The following IFT25 variants were observed in gnomAD, a reference collection of about 807,000 sequenced individuals.
IFT25 encodes intraflagellar transport protein 25 homolog.
chr1:53,916,045 T>C, the IFT25 span, among the ~76,000 whole-genome samples: 35,946 of 151,412 alleles, frequency 0.24, 6,788 homozygotes, highest in African/African-American at 0.53. Context: ...ATTAGCCAGG[T>C]GTGGTGGCAT....
chr1:53,936,962 CT>C, the IFT25 span, among the ~76,000 whole-genome samples: 1 of 152,038 alleles, frequency 6.6e-6, no homozygotes, highest in Non-Finnish European at 1.5e-5. Context: ...CTATGCCCAG[CT>C]ATTTATTTAA....
chr1:53,918,772 C>T, the IFT25 span, among the ~76,000 whole-genome samples: 1 of 152,166 alleles, frequency 6.6e-6, no homozygotes, highest in Non-Finnish European at 1.5e-5. Context: ...CATAAAATCA[C>T]ATCAGGAAGC....
chr1:53,933,220 C>T, the IFT25 span, among the ~76,000 whole-genome samples: 1,340 of 151,490 alleles, frequency 8.8e-3, 23 homozygotes, highest in African/African-American at 0.03. Context: ...CTGCAAGCTC[C>T]GCCTCCCGGG....
At chr1:53,926,965 T>A in the IFT25 span, among the ~76,000 whole-genome samples, 11 of 152,236 alleles carry the variant, frequency 7.2e-5, no homozygotes, top group Admixed American at 7.2e-4. Flanking sequence ...ACTCATGCAA[T>A]CCTCCTCCCT....
chr1:53,936,568 T>G, the IFT25 span, among the ~76,000 whole-genome samples: 1 of 152,236 alleles, frequency 6.6e-6, no homozygotes. Context: ...ATGGATTATC[T>G]CATGTGATTT....
chr1:53,931,664 T>C, the IFT25 span, among the ~76,000 whole-genome samples: 3 of 152,234 alleles, frequency 2.0e-5, no homozygotes, highest in Non-Finnish European at 4.4e-5. Flanking sequence ...TTAAATTTGT[T>C]CTTTATATAT....
At chr1:53,925,471 T>C in the IFT25 span, among the ~76,000 whole-genome samples, 10 of 151,286 alleles carry the variant, frequency 6.6e-5, no homozygotes, top group Non-Finnish European at 1.2e-4. Context: ...CCATCCTGGC[T>C]AACACGGTGA....
At chr1:53,932,929 G>A in the IFT25 span, among the ~76,000 whole-genome samples, 1 of 152,132 alleles carries the variant, frequency 6.6e-6, no homozygotes, top group South Asian at 2.1e-4. Context: ...CAAAGTCAAG[G>A]TTATGACATT....
At chr1:53,912,666 C>T in the IFT25 span, among the ~76,000 whole-genome samples, 1 of 152,154 alleles carries the variant, frequency 6.6e-6, no homozygotes, top group South Asian at 2.1e-4. Context: ...AGGAGAACTA[C>T]AAGGGCAAAG....
At chr1:53,922,389 C>T in the IFT25 span, among the ~76,000 whole-genome samples, 4 of 135,000 alleles carry the variant, frequency 3.0e-5, no homozygotes, top group East Asian at 4.0e-4. Flanking sequence ...AGCAAAATTC[C>T]GTCTCAAAAA....
chr1:53,926,876 C>T, the IFT25 span, among the ~76,000 whole-genome samples: 1 of 152,100 alleles, frequency 6.6e-6, no homozygotes, highest in Admixed American at 6.6e-5. Context: ...GCACATGTCA[C>T]CATCCCTGGC....
chr1:53,925,219 T>C, the IFT25 span, among the ~76,000 whole-genome samples: 1 of 152,184 alleles, frequency 6.6e-6, no homozygotes, highest in Non-Finnish European at 1.5e-5. Flanking sequence ...TTTGAAATCC[T>C]ACTTGATGGT....
chr1:53,925,647 AGAGT>A, the IFT25 span, among the ~76,000 whole-genome samples: 1 of 150,990 alleles, frequency 6.6e-6, no homozygotes, highest in Admixed American at 6.6e-5. Flanking sequence ...CCTGAGCAAT[AGAGT>A]GAGACTCAGT....
At chr1:53,931,582 C>A in the IFT25 span, among the ~76,000 whole-genome samples, 2 of 152,120 alleles carry the variant, frequency 1.3e-5, no homozygotes, top group Non-Finnish European at 2.9e-5. Context: ...TCCAATTGAT[C>A]TTGTGTTATT....
chr1:53,930,703 A>G, the IFT25 span, among the ~76,000 whole-genome samples: 1 of 151,876 alleles, frequency 6.6e-6, no homozygotes, highest in Non-Finnish European at 1.5e-5. Context: ...TTGGCACTTA[A>G]TCTCCTGTGT....
chr1:53,936,988 G>A, the IFT25 span, among the ~76,000 whole-genome samples: 1 of 152,072 alleles, frequency 6.6e-6, no homozygotes, highest in African/African-American at 2.4e-5. Context: ...TATTTCTGAA[G>A]GAATGGAGAG....
the IFT25 span, among the ~76,000 whole-genome samples, chr1:53,943,367 A>T: frequency 6.6e-6 from 1 of 152,218 alleles, no homozygotes; most frequent in African/African-American, 2.4e-5. Flanking sequence ...AAGCCAGGTT[A>T]ATGGCAATGA....
the IFT25 span, among the ~76,000 whole-genome samples, chr1:53,929,154 T>C: frequency 1.3e-5 from 2 of 152,158 alleles, no homozygotes; most frequent in Non-Finnish European, 2.9e-5. Context: ...ATTTGGCCAG[T>C]GGGAGACACC....
At chr1:53,919,091 G>A in the IFT25 span, among the ~76,000 whole-genome samples, 10 of 152,090 alleles carry the variant, frequency 6.6e-5, no homozygotes, top group Non-Finnish European at 1.2e-4. Flanking sequence ...TGCCCACCTC[G>A]GCCTCCCTAA....
Sources: gnomAD v4.1 joint callset for allele counts (sites outside exome capture counted in the v4.1 genomes callset) on GRCh38, gnomAD v4.1.1 for gene constraint, MANE v1.5 for transcripts, NCBI Gene and HGNC (gene_info 2026-07-23, HGNC 2026-07-21) for gene names.